Variants in GPC6 observed in about 807,000 individuals in gnomAD.
GPC6 encodes glypican-6.
GPC6 carries 14 observed loss-of-function variants against 55.2 expected under a neutral mutation model. The observed-to-expected ratio is 0.25, with a 90% confidence interval of 0.17 to 0.40. The LOEUF (loss-of-function observed/expected upper bound fraction) is 0.40, where lower values mean the gene tolerates loss of function less well. GPC6 is among the 10% of genes least tolerant of loss of function. The probability of loss-of-function intolerance (pLI) is 1.00; values close to 1 mark genes in which losing one functional copy is unlikely to be tolerated. For missense variants in GPC6, 641 were observed against 708.5 expected, an observed-to-expected ratio of 0.90 and a Z score of 1.08; for synonymous variants, 278 against 259.6, an observed-to-expected ratio of 1.07 and a Z score of -0.68.
chr13:93,393,630 T>TTC lies in GPC6; in HGVS notation c.161-151611_161-151610dup, dbSNP rs386380249. ...TTGCACAAATAAGGACTTAGACCTG[T>TTC]TCTCTCTCTCTCTCTCTCTCTCTTT... On this transcript the variant is annotated intron_variant, in intron 1 of 8. Transcript: ENST00000377047. Among the ~76,000 whole-genome samples, 489 of 66,010 alleles carry TTC rather than the reference T, an allele frequency of 7.4e-3. 2 individuals carry two copies. The highest frequency in any genetic ancestry group is 0.053 in the Middle Eastern group (4 of 76). The allele number at this position is 66,010 out of a possible 152,430, so 43.3% of individuals were successfully genotyped here.
chr13:94,226,480 A>G (rs536047900), intron 4 of GPC6, among the ~76,000 whole-genome samples: 1 of 152,298 alleles, frequency 6.6e-6, no homozygotes, highest in Admixed American at 6.5e-5. Flanking sequence ...GGATAAACTG[A>G]TTACCCTGAT....
At chr13:94,129,910 G>C (rs1178133066) in intron 4 of GPC6, among the ~76,000 whole-genome samples, 1 of 152,088 alleles carries the variant, frequency 6.6e-6, no homozygotes, top group African/African-American at 2.4e-5. Flanking sequence ...TAATGAACCA[G>C]GCAGGGTCTG....
At chr13:93,697,597 G>A (rs577947281) in intron 2 of GPC6, among the ~76,000 whole-genome samples, 1 of 152,238 alleles carries the variant, frequency 6.6e-6, no homozygotes, top group South Asian at 2.1e-4. Flanking sequence ...CAACGAATTA[G>A]CATAGTTTAC....
intron 3 of GPC6, among the ~76,000 whole-genome samples, chr13:94,001,850 T>C (rs960593110): frequency 2.0e-5 from 3 of 152,090 alleles, no homozygotes; most frequent in Non-Finnish European, 2.9e-5. Context: ...GCGACACCAT[T>C]GCACAAGAGG....
chr13:93,661,428 G>T (rs1324396704), intron 2 of GPC6, among the ~76,000 whole-genome samples: 1 of 152,076 alleles, frequency 6.6e-6, no homozygotes, highest in African/African-American at 2.4e-5. Context: ...TGGCCAGGCT[G>T]GTCTTGAATC....
intron 4 of GPC6, among the ~76,000 whole-genome samples, chr13:94,232,397 C>A (rs1010183672): frequency 2.6e-5 from 4 of 152,208 alleles, no homozygotes; most frequent in Non-Finnish European, 5.9e-5. Context: ...CCACGTCACA[C>A]ACTGGCACTG....
At chr13:93,292,434 T>C (rs907879652) in intron 1 of GPC6, among the ~76,000 whole-genome samples, 1 of 152,162 alleles carries the variant, frequency 6.6e-6, no homozygotes, top group Admixed American at 6.5e-5. Flanking sequence ...GGTAAAATAA[T>C]AAGAGTATCT....
chr13:94,201,346 T>A (rs747266810), intron 4 of GPC6, among the ~76,000 whole-genome samples: 1 of 152,112 alleles, frequency 6.6e-6, no homozygotes, highest in East Asian at 1.9e-4. Context: ...GCTCTTGTGA[T>A]GTCAATAACG....
At chr13:93,226,397 C>A (rs1024045094), upstream of GPC6, among the ~76,000 whole-genome samples, 1 of 152,116 alleles carries the variant, frequency 6.6e-6, no homozygotes, top group Non-Finnish European at 1.5e-5. Flanking sequence ...GTAATGTGTG[C>A]CTTTAGAAAA....
chr13:94,189,294 A>G (rs1048375480), intron 4 of GPC6, among the ~76,000 whole-genome samples: 4 of 152,102 alleles, frequency 2.6e-5, no homozygotes, highest in Non-Finnish European at 2.9e-5. Context: ...AGGAAGAGAA[A>G]GATGTGAGTT....
At chr13:93,853,413 G>C (rs1888480762) in intron 3 of GPC6, among the ~76,000 whole-genome samples, 1 of 151,626 alleles carries the variant, frequency 6.6e-6, no homozygotes, top group Non-Finnish European at 1.5e-5. Flanking sequence ...AAACCAAGTA[G>C]AGGTTAAAGT....
At chr13:94,210,823 C>G (rs1436658467) in intron 4 of GPC6, among the ~76,000 whole-genome samples, 4 of 152,194 alleles carry the variant, frequency 2.6e-5, no homozygotes, top group Admixed American at 2.6e-4. Flanking sequence ...AAAGCTCTAA[C>G]TACAAATACC....
chr13:93,393,842 T>C (rs910218687), intron 1 of GPC6, among the ~76,000 whole-genome samples: 1 of 150,566 alleles, frequency 6.6e-6, no homozygotes, highest in African/African-American at 2.4e-5. Context: ...CTCTTAAGAG[T>C]TGTGGTTCAT....
chr13:93,711,079 A>G (rs1883039659), intron 2 of GPC6, among the ~76,000 whole-genome samples: 1 of 151,812 alleles, frequency 6.6e-6, no homozygotes, highest in South Asian at 2.1e-4. Context: ...AGTGCAGCTA[A>G]AACAAGGCTG....
At chr13:93,831,862 G>A (rs536973613) in intron 3 of GPC6, among the ~76,000 whole-genome samples, 1 of 150,526 alleles carries the variant, frequency 6.6e-6, no homozygotes, top group East Asian at 2.0e-4. Flanking sequence ...AGGTTGAGGC[G>A]GGCAGATCTC....
At chr13:93,505,466 G>C (rs916888558) in intron 1 of GPC6, among the ~76,000 whole-genome samples, 3 of 152,098 alleles carry the variant, frequency 2.0e-5, no homozygotes, top group African/African-American at 7.2e-5. Flanking sequence ...CAGAGAGAGA[G>C]AGAGAGAGAA....
At chr13:94,072,790 G>C (rs1357220655) in intron 4 of GPC6, among the ~76,000 whole-genome samples, 1 of 152,234 alleles carries the variant, frequency 6.6e-6, no homozygotes, top group Non-Finnish European at 1.5e-5. Context: ...AGCAATGACA[G>C]GGCAAAGTGG....
intron 2 of GPC6, among the ~76,000 whole-genome samples, chr13:93,682,726 C>T (rs773883334): frequency 2.0e-5 from 3 of 151,294 alleles, no homozygotes; most frequent in South Asian, 2.1e-4. Context: ...AAAATGAAAT[C>T]GTCTAGGCTG....
At chr13:94,299,992 C>T (rs1875556584) in intron 5 of GPC6, among the ~76,000 whole-genome samples, 1 of 152,102 alleles carries the variant, frequency 6.6e-6, no homozygotes, top group Admixed American at 6.6e-5. Flanking sequence ...AAACATTACC[C>T]TTAAAACATC....
Sources: gnomAD v4.1 joint callset for allele counts (sites outside exome capture counted in the v4.1 genomes callset) on GRCh38, gnomAD v4.1.1 for gene constraint, MANE v1.5 for transcripts, NCBI Gene and HGNC (gene_info 2026-07-23, HGNC 2026-07-21) for gene names.